AUTS2: variants seen among roughly 807,000 people sequenced by gnomAD.
The protein encoded by AUTS2 is activator of transcription and developmental regulator AUTS2, also known as autism susceptibility gene 2 protein.
In AUTS2, 17 loss-of-function variants were observed where a neutral mutation model predicts 112.4. The observed-to-expected ratio is 0.15, with a 90% CI of 0.10 to 0.23. The LOEUF (loss-of-function observed/expected upper bound fraction) is 0.23. Among genes scored for constraint, AUTS2 ranks in the 10% least tolerant of loss-of-function variants. The probability of loss-of-function intolerance (pLI) is 1.00; values close to 1 mark genes in which losing one functional copy is unlikely to be tolerated. For synonymous variants in AUTS2, 751 were observed against 702.7 expected, an observed-to-expected ratio of 1.07 and a Z score of -1.09; for missense variants, 1,510 against 1,701.6, an observed-to-expected ratio of 0.89 and a Z score of 1.98.
chr7:70,204,720 A>G (rs899279650), intron 4 of AUTS2, among the ~76,000 whole-genome samples: 2 of 152,168 alleles, frequency 1.3e-5, no homozygotes, highest in African/African-American at 4.8e-5. Context: ...CCAAGGGCCT[A>G]TCATAAGCAC....
chr7:69,607,414 G>A (rs1004293330), intron 1 of AUTS2, among the ~76,000 whole-genome samples: 2 of 152,002 alleles, frequency 1.3e-5, no homozygotes, highest in African/African-American at 2.4e-5. Flanking sequence ...TTAATAAAAG[G>A]TAATGCATTT....
chr7:70,697,143 G>A (rs1809160407), intron 5 of AUTS2, among the ~76,000 whole-genome samples: 1 of 150,176 alleles, frequency 6.7e-6, no homozygotes, highest in Non-Finnish European at 1.5e-5. Context: ...ATTTTTTTTT[G>A]GCAGTTTGTT....
chr7:70,450,804 G>A (rs1338875315), intron 5 of AUTS2, among the ~76,000 whole-genome samples: 1 of 152,154 alleles, frequency 6.6e-6, no homozygotes, highest in Admixed American at 6.5e-5. Context: ...TGGAAAGAAG[G>A]AGTCTGATTT....
At chr7:70,281,886 T>TA (rs908236587) in intron 4 of AUTS2, among the ~76,000 whole-genome samples, 4 of 152,210 alleles carry the variant, frequency 2.6e-5, no homozygotes, top group African/African-American at 9.6e-5. Flanking sequence ...AGTCTACTCT[T>TA]ATCTGCTGCT....
chr7:70,731,671 C>T (rs1787406853), intron 6 of AUTS2, among the ~76,000 whole-genome samples: 1 of 151,794 alleles, frequency 6.6e-6, no homozygotes, highest in East Asian at 1.9e-4. Context: ...CCTTGTGATC[C>T]ACCCACCTCG....
At position 70,790,670 on chromosome 7, in the gene AUTS2, C is replaced by T. The variant is rs769208197; in HGVS notation, c.3454C>T (p.Arg1152Trp). The change falls in exon 19 of 19, where the codon CGG becomes TGG. Residue 1152 changes from arginine (R) to tryptophan (W), a missense_variant. Coordinates refer to ENST00000342771, the MANE Select transcript of AUTS2 (RefSeq NM_015570.4). The surrounding 1 kb of genome is among the most constrained non-coding windows in gnomAD (Gnocchi z 7.6). ...CGAGCGGGGAGGCCACCTGGACGAG[C>T]GGGAGCGCTTGCACATGCTCAGAGA... ...EHERGGHLDE[R>W]ERLHMLREDY... The T allele has an allele frequency of 6.2e-6, 10 of 1,613,398 alleles. No homozygotes were observed. The highest frequency in any genetic ancestry group is 7.6e-6 in the Non-Finnish European group (9 of 1,179,892).
At chr7:69,691,134 C>T (rs1797325785) in intron 1 of AUTS2, among the ~76,000 whole-genome samples, 1 of 152,158 alleles carries the variant, frequency 6.6e-6, no homozygotes, top group South Asian at 2.1e-4. Context: ...TTTTTATGGG[C>T]TCGGAAGGGA....
intron 4 of AUTS2, among the ~76,000 whole-genome samples, chr7:70,161,693 A>G (rs1808084379): frequency 6.6e-6 from 1 of 151,684 alleles, no homozygotes; most frequent in South Asian, 2.1e-4. Context: ...CATCAGTGCT[A>G]TACTCATATA....
At chr7:70,658,691 C>G (rs971353411) in intron 5 of AUTS2, among the ~76,000 whole-genome samples, 1 of 152,200 alleles carries the variant, frequency 6.6e-6, no homozygotes, top group African/African-American at 2.4e-5. Flanking sequence ...GTCTTGGAAA[C>G]TTTCTCTACA....
At chr7:69,746,709 G>A (rs919164262) in intron 1 of AUTS2, among the ~76,000 whole-genome samples, 4 of 152,092 alleles carry the variant, frequency 2.6e-5, no homozygotes, top group African/African-American at 9.7e-5. Flanking sequence ...AGCAGATGAT[G>A]GAGAGGTGTC....
intron 4 of AUTS2, among the ~76,000 whole-genome samples, chr7:70,179,992 A>G (rs1412996722): frequency 6.6e-6 from 1 of 152,166 alleles, no homozygotes; most frequent in Non-Finnish European, 1.5e-5. Flanking sequence ...CTAACAGAAA[A>G]AAGTAGGGCT....
chr7:69,919,710 A>G (rs1002878656), intron 2 of AUTS2, among the ~76,000 whole-genome samples: 69 of 152,296 alleles, frequency 4.5e-4, no homozygotes, highest in African/African-American at 1.6e-3. Context: ...GTATTCTTCT[A>G]ACACTGTGAA....
At chr7:70,354,079 T>G (rs945519735) in intron 4 of AUTS2, among the ~76,000 whole-genome samples, 5 of 152,248 alleles carry the variant, frequency 3.3e-5, no homozygotes, top group Non-Finnish European at 7.3e-5. Context: ...TGTGATAGCA[T>G]TTGCTGATGT....
intron 2 of AUTS2, among the ~76,000 whole-genome samples, chr7:69,988,032 A>T (rs971766148): frequency 6.6e-6 from 1 of 152,212 alleles, no homozygotes; most frequent in African/African-American, 2.4e-5. Flanking sequence ...GATCACACAG[A>T]TAATACATCT....
At chr7:70,462,957 C>CA (rs11376710) in intron 5 of AUTS2, among the ~76,000 whole-genome samples, 20,919 of 138,726 alleles carry the variant, frequency 0.15, 1,745 homozygotes, top group Non-Finnish European at 0.19. Flanking sequence ...GACTCCGTCT[C>CA]AAAAAAAAAA....
intron 1 of AUTS2, among the ~76,000 whole-genome samples, chr7:69,703,589 AG>A (rs1281356475): frequency 6.6e-6 from 1 of 152,244 alleles, no homozygotes; most frequent in African/African-American, 2.4e-5. Flanking sequence ...GTATGAAAAT[AG>A]CAGCAGGTTG....
At chr7:70,333,079 C>G (rs1790832028) in intron 4 of AUTS2, among the ~76,000 whole-genome samples, 1 of 152,094 alleles carries the variant, frequency 6.6e-6, no homozygotes, top group Non-Finnish European at 1.5e-5. Flanking sequence ...CAAAGAGCTA[C>G]TATCCAGAAT....
At chr7:70,161,031 A>G (rs890318419) in intron 4 of AUTS2, among the ~76,000 whole-genome samples, 1 of 152,158 alleles carries the variant, frequency 6.6e-6, no homozygotes, top group Non-Finnish European at 1.5e-5. Context: ...AACTAATCCC[A>G]TGGAGTTCTA....
At chr7:69,932,665 T>C (rs1210616181) in intron 2 of AUTS2, among the ~76,000 whole-genome samples, 2 of 152,148 alleles carry the variant, frequency 1.3e-5, no homozygotes, top group Non-Finnish European at 2.9e-5. Flanking sequence ...CCAGTGTGAG[T>C]TTGGCTTTGA....
Sources: gnomAD v4.1 joint callset for allele counts (sites outside exome capture counted in the v4.1 genomes callset) on GRCh38, gnomAD v4.1.1 for gene constraint, Gnocchi (gnomAD v3.1) non-coding constraint, MANE v1.5 for transcripts, NCBI Gene and HGNC (gene_info 2026-07-23, HGNC 2026-07-21) for gene names.